The following DNAH8 variants were observed in gnomAD, a reference collection of about 807,000 sequenced individuals.
The protein encoded by DNAH8 is axonemal beta dynein heavy chain 8.
A neutral mutation model predicts 562.1 loss-of-function variants in DNAH8; 382 were observed. The observed-to-expected ratio is 0.68, with a 90% CI of 0.63 to 0.74. The LOEUF is 0.74. DNAH8 is among the 30% of genes least tolerant of loss of function. The pLI, the probability that DNAH8 is intolerant of heterozygous loss-of-function variation, is 0.00. For missense variants in DNAH8, 5,203 were observed against 5,620.4 expected (o/e 0.93, Z 2.37); for synonymous variants, 1,881 against 1,919.4 (o/e 0.98, Z 0.52).
rs545049343 is a variant in DNAH8 at position 38,848,261 on chromosome 6, G to A, written c.5046-387G>A. On this transcript the variant is annotated intron_variant, in intron 36 of 92. Transcript: ENST00000327475. ...TCAGTAGTTCCACAGACCAGTAACA[G>A]TGTCTCACATGTTACTCTCACAAGC... Among the ~76,000 whole-genome samples the A allele has an allele frequency of 4.6e-5, 7 of 152,228 alleles. 1 individual carries two copies. In the South Asian group the frequency reaches 1.5e-3, roughly 32 times the overall value.
intron 41 of DNAH8, among the ~76,000 whole-genome samples, chr6:38,856,956 A>C (rs1296191431): frequency 2.6e-5 from 4 of 152,156 alleles, no homozygotes; most frequent in African/African-American, 9.7e-5. Flanking sequence ...ACATCCTCTC[A>C]CAGTTTCTTT....
chr6:38,727,533 T>C (rs1191434192), intron 3 of DNAH8, among the ~76,000 whole-genome samples: 1 of 152,222 alleles, frequency 6.6e-6, no homozygotes, highest in African/African-American at 2.4e-5. Context: ...TCATTCTATT[T>C]CCTCTAGCTC....
At chr6:39,025,728 C>T (rs949732761) in intron 91 of DNAH8, among the ~76,000 whole-genome samples, 2 of 152,152 alleles carry the variant, frequency 1.3e-5, no homozygotes, top group African/African-American at 2.4e-5. Flanking sequence ...GTAGCGGGAA[C>T]ACACACATTA....
At chr6:38,875,457 G>A (rs1777920771) in intron 52 of DNAH8, 134 bp from the exon 53 acceptor site, 1 of 563,806 alleles carries the variant, frequency 1.8e-6, no homozygotes, top group East Asian at 3.1e-5. Context: ...GCTGTAGGAC[G>A]GTGATCAAGC....
intron 91 of DNAH8, among the ~76,000 whole-genome samples, chr6:39,016,843 A>G (rs2150781746): frequency 6.6e-6 from 1 of 152,288 alleles, no homozygotes; most frequent in East Asian, 1.9e-4. Context: ...AGGACAAGTG[A>G]CATGCCTTGC....
At chr6:38,900,272 T>G (rs1779986058) in intron 62 of DNAH8, among the ~76,000 whole-genome samples, 1 of 152,240 alleles carries the variant, frequency 6.6e-6, no homozygotes, top group African/African-American at 2.4e-5. Context: ...ATTACTGCAT[T>G]GTTTGTGAGA....
At chr6:38,718,620 C>G (rs932517728) in intron 1 of DNAH8, among the ~76,000 whole-genome samples, 2 of 152,112 alleles carry the variant, frequency 1.3e-5, no homozygotes, top group Non-Finnish European at 2.9e-5. Flanking sequence ...TAAACTATAA[C>G]AAATTATTTA....
intron 80 of DNAH8, among the ~76,000 whole-genome samples, chr6:38,948,111 C>A (rs1032276720): frequency 6.6e-6 from 1 of 151,964 alleles, no homozygotes; most frequent in African/African-American, 2.4e-5. Context: ...TGCAGAATAA[C>A]TGTTCTGTTA....
intron 11 of DNAH8, among the ~76,000 whole-genome samples, chr6:38,766,018 A>G (rs1582944542): frequency 1.3e-5 from 2 of 152,200 alleles, no homozygotes; most frequent in Non-Finnish European, 1.5e-5. Flanking sequence ...GCATTCTTAT[A>G]TTCATTGCAA....
intron 24 of DNAH8, among the ~76,000 whole-genome samples, chr6:38,812,321 T>C (rs1771868927): frequency 2.0e-5 from 3 of 152,196 alleles, no homozygotes; most frequent in African/African-American, 4.8e-5. Flanking sequence ...ATGATTGTGA[T>C]GAGTTTGGCA....
intron 87 of DNAH8, among the ~76,000 whole-genome samples, chr6:38,988,640 C>T (rs1168021435): frequency 1.3e-5 from 2 of 152,202 alleles, no homozygotes; most frequent in East Asian, 3.9e-4. Flanking sequence ...CCTCACTTTT[C>T]CTGTCCTATC....
At position 38,770,413 on chromosome 6, in the gene DNAH8, G is replaced by T. The variant is rs1207266323; in HGVS notation, c.1618G>T (p.Asp540Tyr). Reference protein sequence around the residue: ...ETPVVLKKIQDCIFLFKEYQA... With the variant: ...ETPVVLKKIQYCIFLFKEYQA... ...CCTATTTCTTTTACTTTTCTCATAG[G>T]ACTGCATTTTTCTATTCAAGGAATA... Residue 540 changes from aspartate (D) to tyrosine (Y), a missense_variant and splice_region_variant, in exon 12 of 93, where the codon GAC (aspartate) becomes TAC (tyrosine). Physicochemically the swap from Asp to Tyr is radical, Grantham distance 160. Around this residue, in one of 6 missense-constraint regions of DNAH8, gnomAD observed 2,176 missense variants for 2,365.1 expected, o/e 0.92. Coordinates refer to ENST00000327475, the MANE Select transcript of DNAH8 (RefSeq NM_001206927.2). The T allele has an allele frequency of 1.0e-5, 16 of 1,566,662 alleles. No homozygotes were observed. In the Admixed American group the frequency reaches 3.1e-4, roughly 31 times the overall value.
chr6:38,732,584 T>G (rs1203577116), intron 4 of DNAH8, among the ~76,000 whole-genome samples: 1 of 152,158 alleles, frequency 6.6e-6, no homozygotes, highest in African/African-American at 2.4e-5. Flanking sequence ...TAGAACTAGT[T>G]GAACAATCAG....
chr6:38,791,446 T>TTCTA, intron 20 of DNAH8, 109 bp from the exon 21 acceptor site: 1 of 1,314,304 alleles, frequency 7.6e-7, no homozygotes. Context: ...AGATGCAAGT[T>TTCTA]TCTAGACTTA....
At chr6:38,753,292 T>A (rs1245135525) in intron 9 of DNAH8, among the ~76,000 whole-genome samples, 1 of 152,210 alleles carries the variant, frequency 6.6e-6, no homozygotes, top group Non-Finnish European at 1.5e-5. Context: ...GGCCTTTGCT[T>A]GGCTTACTTG....
intron 28 of DNAH8, among the ~76,000 whole-genome samples, chr6:38,824,850 T>A (rs1159877040): frequency 6.6e-6 from 1 of 152,070 alleles, no homozygotes; most frequent in Non-Finnish European, 1.5e-5. Flanking sequence ...TGAGGAAGAA[T>A]CACAAGTACC....
intron 76 of DNAH8, chr6:38,932,907 G>A (rs1782666438): frequency 6.6e-6 from 1 of 152,262 alleles, no homozygotes. Context: ...ACAGGCACAG[G>A]CCCTTGAAAG....
At chr6:39,023,562 C>T (rs1405160784) in intron 91 of DNAH8, among the ~76,000 whole-genome samples, 1 of 152,164 alleles carries the variant, frequency 6.6e-6, no homozygotes, top group East Asian at 1.9e-4. Context: ...TGCTTTCAAG[C>T]TCTTATAGAG....
At chr6:38,930,142 A>G (rs183773766) in intron 75 of DNAH8, among the ~76,000 whole-genome samples, 11 of 152,318 alleles carry the variant, frequency 7.2e-5, no homozygotes, top group Admixed American at 6.5e-4. Context: ...CATTGATTTA[A>G]TAAAGTCATT....
Sources: gnomAD v4.1 joint callset for allele counts (sites outside exome capture counted in the v4.1 genomes callset) on GRCh38, gnomAD v4.1.1 for gene constraint, gnomAD v4.1.1 regional missense constraint, MANE v1.5 for transcripts, NCBI Gene and HGNC (gene_info 2026-07-23, HGNC 2026-07-21) for gene names.